MTO1: variants seen among roughly 807,000 people sequenced by gnomAD.
The protein encoded by MTO1 is 5-taurinomethyluridine-[tRNA] synthase subunit MTO1, mitochondrial.
In MTO1, 46 loss-of-function variants were observed where a neutral mutation model predicts 71.6. That is an observed-to-expected ratio of 0.64 (90% confidence interval 0.51 to 0.82). The LOEUF (loss-of-function observed/expected upper bound fraction) is 0.82, where lower values mean the gene tolerates loss of function less well. Ranked by LOEUF, MTO1 falls within the 40% of genes least tolerant of loss-of-function variation. The pLI is 0.00. For missense variants in MTO1, 773 were observed against 867.5 expected, an observed-to-expected ratio of 0.89 and a Z score of 1.37; for synonymous variants, 297 against 312.1, an observed-to-expected ratio of 0.95 and a Z score of 0.51.
chr6:73,498,058 C>A (rs1358279145), intron 11 of MTO1, among the ~76,000 whole-genome samples, 162 bp downstream of exon 11: 1 of 151,986 alleles, frequency 6.6e-6, no homozygotes, highest in Non-Finnish European at 1.5e-5. Flanking sequence ...TACAAAAATA[C>A]AAAAATTAGC....
Position 73,480,725 on chromosome 6 carries a change from T to G in MTO1, c.1180T>G (p.Leu394Val). 2 of 1,613,810 alleles carry G rather than the reference T, an allele frequency of 1.2e-6. No individual in the cohort carries two copies. Among genetic ancestry groups the G allele is most frequent in the Non-Finnish European group, 1.7e-6 (2 of 1,179,894 alleles). Residue 394 changes from leucine to valine, a missense_variant, in exon 7 of 12, where the codon TTG (leucine) becomes GTG (valine). Physicochemically the swap from Leu to Val is conservative, Grantham distance 32 (BLOSUM62 1). Transcript: ENST00000498286. ...AGATCCCCGTCAGATCACCCCTTCC[T>G]TGGAGACTCATTTGGTTCAACGACT... The part of the protein sequence containing the change: ...YLDPRQITPS[L>V]ETHLVQRLFF...
In MTO1 at chr6:73,466,497, CTT is replaced by C; in HGVS notation, c.427_428del (p.Leu143GlufsTer23). 1.9e-6 allele frequency: 3 copies of C among 1,614,000 alleles called. No homozygotes were observed. The highest frequency in any genetic ancestry group is 1.3e-5 in the African/African-American group (1 of 75,038). On this transcript the variant is annotated frameshift_variant, in exon 3 of 12. Coordinates refer to ENST00000498286, the MANE Select transcript of MTO1 (RefSeq NM_012123.4). LOFTEE classifies it high-confidence loss of function. ...GCATTTTCTTTTGACAGAAAGAAATCTTGAATACACCACTGCTTACTGTTCAG... is the reference window on the plus strand; with the variant it reads ...GCATTTTCTTTTGACAGAAAGAAATCGAATACACCACTGCTTACTGTTCAG... ...LYKQNMQKEI[L>X]NTPLLTVQEG...
In MTO1 at chr6:73,504,373, C is replaced by G. The variant is rs1301741492; in HGVS notation, c.*3638C>G. 1 of 152,202 alleles carries G rather than the reference C, an allele frequency of 6.6e-6. No individual in the cohort carries two copies. Among genetic ancestry groups the G allele is most frequent in the Non-Finnish European group, 1.5e-5 (1 of 68,072 alleles). 9.4% of individuals were successfully genotyped at this position (152,202 alleles called of 1,614,324 possible). Reference sequence around the variant, plus strand: ...CTCAAAGTCCTGGGCTCAATTAATCCTCCCTCTTCAGCCTCCTGTGTAGGT... The same window carrying G: ...CTCAAAGTCCTGGGCTCAATTAATCGTCCCTCTTCAGCCTCCTGTGTAGGT... On this transcript the variant is annotated 3_prime_UTR_variant, in exon 12 of 12. Transcript: ENST00000498286.
chr6:73,496,454 A>T (rs985467406), intron 10 of MTO1, among the ~76,000 whole-genome samples: 3 of 151,974 alleles, frequency 2.0e-5, no homozygotes, highest in African/African-American at 4.8e-5. Flanking sequence ...AAGATAATTT[A>T]AAAAACCATT....
At chr6:73,465,652 C>T (rs2150026888) in intron 1 of MTO1, among the ~76,000 whole-genome samples, 1 of 152,050 alleles carries the variant, frequency 6.6e-6, no homozygotes, top group African/African-American at 2.4e-5. Context: ...GAAAAGGCAA[C>T]CTAGTGAAAC....
In MTO1 at chr6:73,480,097, GC is replaced by G; in HGVS notation, c.1101del (p.Leu368TrpfsTer6). 1 of 1,614,048 alleles carries G rather than the reference GC, an allele frequency of 6.2e-7. No individual in the cohort carries two copies. The highest frequency in any genetic ancestry group is 8.5e-7 in the Non-Finnish European group (1 of 1,180,014). On this transcript the variant is annotated frameshift_variant, in exon 6 of 12. Coordinates refer to ENST00000498286, the MANE Select transcript of MTO1 (RefSeq NM_012123.4). LOFTEE classifies it high-confidence loss of function. ...LQEKMITCIR[G>X]LEKAKVIQPG... is the part of the protein sequence containing the mutation. ...GAGAAAATGATCACATGCATCAGAGGCTTGGAGAAAGCTAAAGTGATTCAGC... is the reference window on the plus strand; with the variant it reads ...GAGAAAATGATCACATGCATCAGAGGTTGGAGAAAGCTAAAGTGATTCAGC...
chr6:73,492,968 A>ATGTGTGTATG (rs1771860465), intron 10 of MTO1, among the ~76,000 whole-genome samples: 1 of 67,850 alleles, frequency 1.5e-5, no homozygotes, highest in African/African-American at 5.6e-5. Flanking sequence ...TATATAATAT[A>ATGTGTGTATG]TGTGTGTGTG....
intron 4 of MTO1, among the ~76,000 whole-genome samples, chr6:73,479,510 TA>T (rs1198640715): frequency 6.6e-6 from 1 of 151,626 alleles, no homozygotes; most frequent in South Asian, 2.1e-4. Flanking sequence ...ATAAAAACAT[TA>T]AAAAAAAATT....
chr6:73,500,734 A>C lies in MTO1; in HGVS notation c.2078A>C (p.Ter693SerextTer12). 1 of 1,572,706 alleles carries C rather than the reference A, an allele frequency of 6.4e-7. No homozygotes were observed. The highest frequency in any genetic ancestry group is 8.6e-7 in the Non-Finnish European group (1 of 1,160,544). Residue 693 changes from the stop codon to serine, a stop_lost, in exon 12 of 12, where the codon TAG (stop) becomes TCG (serine). Transcript: ENST00000498286. ...DADRLQEREL[*>S] is the part of the protein sequence containing the mutation. ...GACAGACTTCAAGAGAGAGAGTTAT[A>C]GCTTTCAATTCATAAAAGATTTTTA...
intron 9 of MTO1, 137 bp downstream of exon 9, chr6:73,482,757 A>G: frequency 1.6e-6 from 1 of 620,200 alleles, no homozygotes; most frequent in East Asian, 3.0e-5. Context: ...TTCTTTTCAA[A>G]ATCCGTTAGC....
intron 8 of MTO1, 64 bp downstream of exon 8, chr6:73,482,308 A>G (rs983990303): frequency 3.8e-6 from 6 of 1,584,208 alleles, no homozygotes; most frequent in South Asian, 1.1e-5. Flanking sequence ...AATCCAAGCA[A>G]TTTGAGAGAC....
intron 11 of MTO1, among the ~76,000 whole-genome samples, chr6:73,499,598 C>A (rs1772098699): frequency 6.6e-6 from 1 of 152,008 alleles, no homozygotes; most frequent in Admixed American, 6.6e-5. Flanking sequence ...TTTCAAGTGC[C>A]CAGTAGCCAC....
intron 9 of MTO1, among the ~76,000 whole-genome samples, chr6:73,489,097 A>T (rs1262095865): frequency 1.3e-5 from 2 of 152,146 alleles, no homozygotes; most frequent in Non-Finnish European, 2.9e-5. Context: ...GGTCTTTAAT[A>T]CATATTGTGT....
At chr6:73,493,145 C>T (rs1366354908) in intron 10 of MTO1, among the ~76,000 whole-genome samples, 4 of 151,300 alleles carry the variant, frequency 2.6e-5, no homozygotes, top group Non-Finnish European at 5.9e-5. Flanking sequence ...CAGGCATGCA[C>T]CACCACGCCT....
At position 73,507,459 on chromosome 6, in the gene MTO1, T is replaced by C. The variant is rs1373368535; in HGVS notation, c.*6724T>C. ...GTTAGGATCTGTGTATTCCTCAGAG[T>C]AAGAATTTTTCTAAAAAGTTTTTAA... On this transcript the variant is annotated 3_prime_UTR_variant, in exon 12 of 12. Coordinates refer to ENST00000498286, the MANE Select transcript of MTO1 (RefSeq NM_012123.4). 6.6e-6 allele frequency: 1 copy of C among 152,196 alleles called. No homozygotes were observed. The highest frequency in any genetic ancestry group is 1.5e-5 in the Non-Finnish European group (1 of 68,040). 9.4% of individuals were successfully genotyped at this position (152,196 alleles called of 1,614,324 possible).
At chr6:73,470,325 G>C (rs1771114677) in intron 3 of MTO1, among the ~76,000 whole-genome samples, 1 of 151,878 alleles carries the variant, frequency 6.6e-6, no homozygotes, top group Non-Finnish European at 1.5e-5. Context: ...TCCTGCCTCA[G>C]CCTCTCGAGT....
In MTO1 at chr6:73,479,738, G is replaced by T; in HGVS notation, c.832G>T (p.Asp278Tyr). 1 of 1,609,832 alleles carries T rather than the reference G, an allele frequency of 6.2e-7. No individual in the cohort carries two copies. Residue 278 changes from aspartate to tyrosine, a missense_variant, in exon 5 of 12, where the codon GAT becomes TAT. By Grantham distance (160) the Asp-to-Tyr change is radical (BLOSUM62 -3). Coordinates refer to ENST00000498286, the MANE Select transcript of MTO1 (RefSeq NM_012123.4). ...TCTGGTTACTGTTTTTTAGCCAGAA[G>T]ATCAGCTGCCATGTTACTTGACTCA... is the stretch of plus-strand genomic sequence containing the variant. ...TNETVWIKPE[D>Y]QLPCYLTHTN...
At chr6:73,470,962 A>G (rs146930673) in intron 3 of MTO1, among the ~76,000 whole-genome samples, 1 of 152,184 alleles carries the variant, frequency 6.6e-6, no homozygotes, top group East Asian at 1.9e-4. Context: ...CAATAGAAAA[A>G]AAAAAGATAG....
intron 3 of MTO1, among the ~76,000 whole-genome samples, chr6:73,472,486 TTC>T (rs1322794100): frequency 1.3e-5 from 2 of 152,212 alleles, no homozygotes; most frequent in African/African-American, 2.4e-5. Flanking sequence ...ACACATTGTA[TTC>T]TCTCTCCTAG....
Sources: allele counts gnomAD v4.1 joint callset (sites outside exome capture counted in the v4.1 genomes callset), GRCh38; gene constraint gnomAD v4.1.1; transcripts MANE v1.5; gene names NCBI Gene and HGNC (gene_info 2026-07-23, HGNC 2026-07-21).